The following FAM107B variants were observed in gnomAD, a reference collection of about 807,000 sequenced individuals.
FAM107B encodes the protein protein FAM107B.
In FAM107B, 21 loss-of-function variants were observed where a neutral mutation model predicts 31.5. The ratio of observed to expected loss-of-function variants is 0.67; its 90% CI spans 0.47 to 0.96. The LOEUF is 0.96. FAM107B is among the 40% of genes least tolerant of loss of function. The pLI, the probability that FAM107B is intolerant of heterozygous loss-of-function variation, is 0.00. For synonymous variants in FAM107B, 157 were observed against 141.5 expected (o/e 1.11, Z -0.78); for missense variants, 452 against 377.1 (o/e 1.20, Z -1.64).
chr10:14,614,024 G>A (rs1276203092), intron 2 of FAM107B, among the ~76,000 whole-genome samples: 5 of 152,114 alleles, frequency 3.3e-5, no homozygotes, highest in East Asian at 3.9e-4. Context: ...CCAGCTACTC[G>A]GGAGGCTGAT....
intron 1 of FAM107B, among the ~76,000 whole-genome samples, chr10:14,683,147 C>T (rs938806479): frequency 2.0e-5 from 3 of 152,200 alleles, no homozygotes; most frequent in African/African-American, 7.2e-5. Flanking sequence ...AGCACCTGTG[C>T]TCTCAGCAAT....
At chr10:14,623,440 A>C (rs1038414617) in intron 2 of FAM107B, among the ~76,000 whole-genome samples, 2 of 152,260 alleles carry the variant, frequency 1.3e-5, no homozygotes, top group Non-Finnish European at 2.9e-5. Flanking sequence ...AGACATTCAA[A>C]GGAGAGTGAC....
At position 14,519,418 on chromosome 10, in the gene FAM107B, GATC is replaced by G. The variant is rs1845424646; in HGVS notation, c.*1769_*1771del. 6.6e-6 allele frequency: 1 copy of G among 152,150 alleles called. No homozygotes were observed. Among genetic ancestry groups the G allele is most frequent in the African/African-American group, 2.4e-5 (1 of 41,430 alleles). The allele number at this position is 152,150 out of a possible 1,614,324, so 9.4% of individuals were successfully genotyped here. ...GTGCAATCAGAAATGGGCTTTTCAAGATCATCAGTCATCACACTTCCTTCTCTC... is the reference window on the plus strand; with the variant it reads ...GTGCAATCAGAAATGGGCTTTTCAAGATCAGTCATCACACTTCCTTCTCTC... On this transcript the variant is annotated 3_prime_UTR_variant, in exon 5 of 5. Transcript: ENST00000181796.
chr10:14,735,757 T>G (rs1441954926), intron 1 of FAM107B, among the ~76,000 whole-genome samples: 3 of 152,144 alleles, frequency 2.0e-5, no homozygotes, highest in Non-Finnish European at 4.4e-5. Flanking sequence ...AAGCCTTTCA[T>G]AGTCAACTCC....
intron 2 of FAM107B, among the ~76,000 whole-genome samples, chr10:14,637,281 A>G (rs529131508): frequency 1.3e-5 from 2 of 152,240 alleles, no homozygotes; most frequent in African/African-American, 4.8e-5. Context: ...CCTGGTGTTC[A>G]TACCCTAGAA....
chr10:14,762,794 ACACACAC>A (rs1449330542), intron 1 of FAM107B, among the ~76,000 whole-genome samples: 1 of 150,252 alleles, frequency 6.7e-6, no homozygotes, highest in African/African-American at 2.5e-5. Flanking sequence ...ACACACACAC[ACACACAC>A]AAAAAGAACA....
At chr10:14,704,965 C>T (rs926843053) in intron 1 of FAM107B, among the ~76,000 whole-genome samples, 3 of 142,484 alleles carry the variant, frequency 2.1e-5, no homozygotes, top group Non-Finnish European at 3.0e-5. Context: ...CAGAGCTTGC[C>T]GCGAGCCAAG....
At chr10:14,558,442 A>G (rs1004055042) in intron 2 of FAM107B, among the ~76,000 whole-genome samples, 1 of 152,228 alleles carries the variant, frequency 6.6e-6, no homozygotes, top group African/African-American at 2.4e-5. Flanking sequence ...GCTAAAATGC[A>G]TAACTTTTAA....
At chr10:14,647,898 T>C (rs1193586062) in intron 2 of FAM107B, among the ~76,000 whole-genome samples, 1 of 151,928 alleles carries the variant, frequency 6.6e-6, no homozygotes, top group Non-Finnish European at 1.5e-5. Flanking sequence ...CCAACTCATA[T>C]ATTCAAATAT....
intron 1 of FAM107B, among the ~76,000 whole-genome samples, chr10:14,749,984 T>A (rs75996519): frequency 1.3e-5 from 2 of 152,040 alleles, no homozygotes; most frequent in Non-Finnish European, 2.9e-5. Context: ...TCAGAGGCCA[T>A]CTTGAAGAGC....
intron 2 of FAM107B, among the ~76,000 whole-genome samples, chr10:14,590,556 A>G (rs1319839394): frequency 1.3e-5 from 2 of 152,232 alleles, no homozygotes; most frequent in East Asian, 1.9e-4. Context: ...GATGGAGCAT[A>G]TGTAAATTAA....
intron 1 of FAM107B, among the ~76,000 whole-genome samples, chr10:14,679,744 T>C (rs1854782944): frequency 6.6e-6 from 1 of 152,068 alleles, no homozygotes. Context: ...CCAAAGGAGA[T>C]TAACATTTGA....
chr10:14,720,137 T>C (rs975406110), intron 1 of FAM107B, among the ~76,000 whole-genome samples: 2 of 152,212 alleles, frequency 1.3e-5, no homozygotes, highest in Non-Finnish European at 2.9e-5. Flanking sequence ...AGAGCTAGAC[T>C]AGATGATTCC....
chr10:14,752,491 G>A (rs1241598049), intron 1 of FAM107B, among the ~76,000 whole-genome samples: 2 of 152,200 alleles, frequency 1.3e-5, no homozygotes, highest in African/African-American at 2.4e-5. Flanking sequence ...AGTAAACCTC[G>A]GTTGTGAATA....
At chr10:14,587,795 A>C (rs1851892369) in intron 2 of FAM107B, among the ~76,000 whole-genome samples, 1 of 152,136 alleles carries the variant, frequency 6.6e-6, no homozygotes. Flanking sequence ...GGGAGGAGAG[A>C]GCTCTAGTCC....
chr10:14,753,279 A>G (rs1832865936), intron 1 of FAM107B, among the ~76,000 whole-genome samples: 2 of 152,188 alleles, frequency 1.3e-5, no homozygotes, highest in Non-Finnish European at 2.9e-5. Flanking sequence ...AGTTTTTATG[A>G]TCACCCTTTT....
intron 2 of FAM107B, among the ~76,000 whole-genome samples, chr10:14,633,014 C>T (rs983335048): frequency 1.3e-4 from 20 of 152,088 alleles, no homozygotes; most frequent in Non-Finnish European, 2.2e-4. Flanking sequence ...GCCTGGCCAA[C>T]ATGGTAAAAC....
intron 2 of FAM107B, among the ~76,000 whole-genome samples, chr10:14,628,621 G>T (rs928080598): frequency 3.3e-5 from 5 of 152,200 alleles, no homozygotes; most frequent in Non-Finnish European, 4.4e-5. Context: ...CCCAGGCAAG[G>T]TTAGATCCGA....
At chr10:14,581,767 G>A (rs996944508) in intron 2 of FAM107B, among the ~76,000 whole-genome samples, 12 of 152,160 alleles carry the variant, frequency 7.9e-5, no homozygotes, top group Non-Finnish European at 1.5e-5. Context: ...AGTGAGCGTG[G>A]TGGTGCACAC....
Sources: gnomAD v4.1 joint callset for allele counts (sites outside exome capture counted in the v4.1 genomes callset) on GRCh38, gnomAD v4.1.1 for gene constraint, MANE v1.5 for transcripts, NCBI Gene and HGNC (gene_info 2026-07-23, HGNC 2026-07-21) for gene names.